HOMER1: variants seen among roughly 807,000 people sequenced by gnomAD.
HOMER1 encodes the protein homer scaffold protein 1.
Under a neutral mutation model 48.9 loss-of-function variants are expected in HOMER1, and 3 were observed. The observed-to-expected ratio is 0.06, with a 90% CI of 0.03 to 0.16. The LOEUF is 0.16. HOMER1 is among the 10% of genes least tolerant of loss of function. The probability of loss-of-function intolerance (pLI) is 1.00; values close to 1 mark genes in which losing one functional copy is unlikely to be tolerated. For missense variants in HOMER1, 247 were observed against 411.4 expected (o/e 0.60, Z 3.46); for synonymous variants, 134 against 146.4 (o/e 0.92, Z 0.61).
chr5:79,413,484 C>A (rs1704008623), intron 5 of HOMER1, among the ~76,000 whole-genome samples: 2 of 152,004 alleles, frequency 1.3e-5, no homozygotes, highest in Admixed American at 6.6e-5. Flanking sequence ...AGATTTCTTA[C>A]ATGCATATAT....
Position 79,375,149 on chromosome 5 carries a change from T to C in HOMER1, c.*860A>G, listed in dbSNP as rs548302432. The C allele has an allele frequency of 2.6e-5, 4 of 152,102 alleles. No homozygotes were observed. The highest frequency in any genetic ancestry group is 9.7e-5 in the African/African-American group (4 of 41,442). 9.4% of individuals were successfully genotyped at this position (152,102 alleles called of 1,614,324 possible). ...AATGTAACTGCATATTCTGTAAATA[T>C]ACTTAACATTGCTAGACCAGCCTGT... On this transcript the variant is annotated 3_prime_UTR_variant, in exon 9 of 9. Coordinates refer to ENST00000334082, the MANE Select transcript of HOMER1 (RefSeq NM_004272.5).
intron 5 of HOMER1, among the ~76,000 whole-genome samples, chr5:79,415,402 A>T (rs1383726171): frequency 6.6e-6 from 1 of 152,220 alleles, no homozygotes; most frequent in Non-Finnish European, 1.5e-5. Context: ...GCACAAAAAA[A>T]TGATATCGAG....
At chr5:79,437,848 G>A (rs552879397) in intron 5 of HOMER1, among the ~76,000 whole-genome samples, 1 of 152,098 alleles carries the variant, frequency 6.6e-6, no homozygotes, top group South Asian at 2.1e-4. Flanking sequence ...TAGAGACAGG[G>A]GTCTCACTAT....
At chr5:79,510,011 T>C (rs533887424) in intron 1 of HOMER1, among the ~76,000 whole-genome samples, 1 of 152,226 alleles carries the variant, frequency 6.6e-6, no homozygotes, top group Non-Finnish European at 1.5e-5. Context: ...TTCCTTTTGC[T>C]TGAAATAGGT....
intron 1 of HOMER1, among the ~76,000 whole-genome samples, chr5:79,495,759 T>C (rs1274648738): frequency 6.6e-6 from 1 of 152,170 alleles, no homozygotes; most frequent in Non-Finnish European, 1.5e-5. Context: ...TTTTCAGGTG[T>C]TGGTTACAGG....
Position 79,514,000 on chromosome 5 carries a change from G to C in HOMER1, c.-1226C>G, listed in dbSNP as rs960860312. 1 of 153,186 alleles carries C rather than the reference G, an allele frequency of 6.5e-6. No homozygotes were observed. The highest frequency in any genetic ancestry group is 2.4e-5 in the African/African-American group (1 of 41,450). 9.5% of individuals were successfully genotyped at this position (153,186 alleles called of 1,614,324 possible). On this transcript the variant is annotated 5_prime_UTR_variant, in exon 1 of 9. Coordinates refer to ENST00000334082, the MANE Select transcript of HOMER1 (RefSeq NM_004272.5). ...TCAGCGCCCGCCTCCGGCTACCGCC[G>C]GGCAGAGCAGCGCCAGCCCCGGCGG...
At chr5:79,403,509 G>A (rs1192899928) in intron 5 of HOMER1, among the ~76,000 whole-genome samples, 2 of 152,176 alleles carry the variant, frequency 1.3e-5, no homozygotes, top group South Asian at 2.1e-4. Context: ...GTCAAACAAT[G>A]AGAAAATATC....
chr5:79,468,400 T>C (rs1580003688), intron 1 of HOMER1, among the ~76,000 whole-genome samples: 1 of 152,218 alleles, frequency 6.6e-6, no homozygotes, highest in African/African-American at 2.4e-5. Context: ...TTCAAAGACT[T>C]AGTATTTTTT....
intron 5 of HOMER1, among the ~76,000 whole-genome samples, chr5:79,437,917 A>G (rs567794880): frequency 1.4e-4 from 22 of 152,260 alleles, no homozygotes; most frequent in Non-Finnish European, 2.8e-4. Flanking sequence ...TCAGCTTCCC[A>G]AAGTGCTGGG....
chr5:79,506,860 A>G (rs1183852081), intron 1 of HOMER1, among the ~76,000 whole-genome samples: 1 of 151,872 alleles, frequency 6.6e-6, no homozygotes, highest in Admixed American at 6.6e-5. Flanking sequence ...AAAAAAATAT[A>G]TATATATATG....
At chr5:79,386,585 T>C (rs1348079963) in intron 8 of HOMER1, among the ~76,000 whole-genome samples, 3 of 152,308 alleles carry the variant, frequency 2.0e-5, no homozygotes, top group South Asian at 4.1e-4. Context: ...TTAGCAACAA[T>C]ATATTGTGTA....
chr5:79,475,260 G>A (rs1368993529), intron 1 of HOMER1, among the ~76,000 whole-genome samples: 1 of 152,080 alleles, frequency 6.6e-6, no homozygotes, highest in Non-Finnish European at 1.5e-5. Flanking sequence ...ACATTATAGA[G>A]CCGGCACACT....
intron 8 of HOMER1, among the ~76,000 whole-genome samples, chr5:79,389,250 C>T (rs1183807179): frequency 6.6e-6 from 1 of 151,966 alleles, no homozygotes; most frequent in African/African-American, 2.4e-5. Context: ...CAAGCTCTCG[C>T]CCCAATACTG....
chr5:79,421,680 A>C (rs1385217412), intron 5 of HOMER1, among the ~76,000 whole-genome samples: 1 of 150,866 alleles, frequency 6.6e-6, no homozygotes, highest in Admixed American at 6.6e-5. Flanking sequence ...ATCTTGGCTC[A>C]CTGCAACCTC....
At chr5:79,381,198 C>A (rs550859857) in intron 8 of HOMER1, among the ~76,000 whole-genome samples, 1 of 152,214 alleles carries the variant, frequency 6.6e-6, no homozygotes, top group Non-Finnish European at 1.5e-5. Context: ...ACAGCCTCCA[C>A]GAACTGCACC....
intron 4 of HOMER1, among the ~76,000 whole-genome samples, chr5:79,445,613 A>C (rs762557138): frequency 1.3e-5 from 2 of 152,250 alleles, no homozygotes; most frequent in African/African-American, 2.4e-5. Flanking sequence ...GTCAGATTTA[A>C]GTATACTTTA....
At chr5:79,445,958 T>C (rs1580455911) in intron 4 of HOMER1, among the ~76,000 whole-genome samples, 2 of 152,162 alleles carry the variant, frequency 1.3e-5, no homozygotes, top group East Asian at 1.9e-4. Flanking sequence ...ACAAACCCTA[T>C]TGTTTGTGCG....
At chr5:79,425,403 A>T (rs1750219742) in intron 5 of HOMER1, among the ~76,000 whole-genome samples, 5 of 152,044 alleles carry the variant, frequency 3.3e-5, no homozygotes, top group Admixed American at 3.3e-4. Flanking sequence ...GTAACAGGGG[A>T]AAGGGAGGAG....
intron 5 of HOMER1, among the ~76,000 whole-genome samples, chr5:79,407,843 G>C (rs375014008): frequency 8.5e-5 from 13 of 152,196 alleles, no homozygotes; most frequent in East Asian, 3.9e-4. Context: ...TATACATAGA[G>C]GAACAAAAAT....
Sources: gnomAD v4.1 joint callset for allele counts (sites outside exome capture counted in the v4.1 genomes callset) on GRCh38, gnomAD v4.1.1 for gene constraint, MANE v1.5 for transcripts, NCBI Gene and HGNC (gene_info 2026-07-23, HGNC 2026-07-21) for gene names.